The following TDRD9 variants were observed in gnomAD, a reference collection of about 807,000 sequenced individuals.
TDRD9 encodes the protein ATP-dependent RNA helicase TDRD9.
A neutral mutation model predicts 172.6 loss-of-function variants in TDRD9; 124 were observed. The observed-to-expected ratio is 0.72, with a 90% confidence interval of 0.62 to 0.83. The LOEUF is 0.83. TDRD9 is among the 40% of genes least tolerant of loss of function. TDRD9 has a pLI of 0.00. For synonymous variants in TDRD9, 619 were observed against 617.1 expected, an observed-to-expected ratio of 1.00 and a Z score of -0.05; for missense variants, 1,479 against 1,714.1, an observed-to-expected ratio of 0.86 and a Z score of 2.42.
rs140668281 is a variant in TDRD9 at position 104,032,590 on chromosome 14, A to T, written c.3509+503A>T. Among the ~76,000 whole-genome samples, 23 of 152,350 alleles carry T rather than the reference A, an allele frequency of 1.5e-4. No individual in the cohort carries two copies. In the East Asian group the frequency reaches 3.7e-3, roughly 24 times the overall value. On this transcript the variant is annotated intron_variant, in intron 30 of 35. Coordinates refer to ENST00000409874, the MANE Select transcript of TDRD9 (RefSeq NM_153046.3). ...CTCTCACACACGTGAAAGCCATTCT[A>T]TGTAAGACATTTTTGAGTATCTTTT...
In TDRD9 at chr14:103,965,416, T is replaced by C. The variant is rs1225097362; in HGVS notation, c.504T>C (p.Tyr168=). 1 of 1,551,680 alleles carries C rather than the reference T, an allele frequency of 6.4e-7. No individual in the cohort carries two copies. The highest frequency in any genetic ancestry group is 2.0e-5 in the Admixed American group (1 of 50,974). The change falls in exon 4 of 36, where the codon TAT becomes TAC. Residue 168 remains tyrosine (Y), a synonymous_variant. Transcript: ENST00000409874. ...GSGKSTQLPQ[Y]ILDHYVQRSA... ...GTAAAAGCACTCAGCTCCCGCAGTA[T>C]ATCTTGGACCACTACGTTCAGCGCT... is the stretch of plus-strand genomic sequence containing the variant.
chr14:103,940,645 TG>T, intron 1 of TDRD9: 1 of 553,092 alleles, frequency 1.8e-6, no homozygotes, highest in Non-Finnish European at 3.2e-6. Flanking sequence ...AAACATAGCA[TG>T]TTTAGAGTGG....
intron 6 of TDRD9, 29 bp from the exon 7 acceptor site, chr14:103,975,360 T>C (rs1566752437): frequency 6.3e-7 from 1 of 1,591,308 alleles, no homozygotes; most frequent in Non-Finnish European, 8.6e-7. Context: ...TCTCATTGTT[T>C]TATTTGAATG....
At chr14:104,023,009 G>A (rs1485210555) in intron 24 of TDRD9, among the ~76,000 whole-genome samples, 3 of 151,232 alleles carry the variant, frequency 2.0e-5, no homozygotes, top group African/African-American at 4.9e-5. Context: ...GTGAAACCCC[G>A]TCTCTACCAA....
chr14:104,003,858 G>A (rs1047374359), intron 13 of TDRD9, among the ~76,000 whole-genome samples: 2 of 152,104 alleles, frequency 1.3e-5, no homozygotes, highest in Admixed American at 6.5e-5. Context: ...AGGGCCTGTC[G>A]CCAACCTCGT....
intron 2 of TDRD9, among the ~76,000 whole-genome samples, chr14:103,962,532 A>G (rs2032556125): frequency 6.6e-6 from 1 of 152,150 alleles, no homozygotes; most frequent in Non-Finnish European, 1.5e-5. Flanking sequence ...CAGGTTTGTT[A>G]CAAGAGTATA....
intron 35 of TDRD9, 76 bp from the exon 36 acceptor site, chr14:104,051,905 T>C: frequency 1.2e-6 from 1 of 846,362 alleles, no homozygotes; most frequent in Non-Finnish European, 1.9e-6. Flanking sequence ...GCATCCTGGA[T>C]GTTAATGCAT....
Position 104,034,064 on chromosome 14 carries a change from C to G in TDRD9, c.3614C>G (p.Ala1205Gly), listed in dbSNP as rs755453608. Reference protein sequence around the residue: ...MLVAASLSINATGSTMLLRET... With the variant: ...MLVAASLSINGTGSTMLLRET... ...GTTGCAGCTTCCCTTTCCATCAATGCGACTGGTAATTTAAAGATCCTGTTT... is the reference window on the plus strand; with the variant it reads ...GTTGCAGCTTCCCTTTCCATCAATGGGACTGGTAATTTAAAGATCCTGTTT... Residue 1205 changes from alanine to glycine, a missense_variant, in exon 31 of 36, where the codon GCG (alanine) becomes GGG (glycine). This residue lies in a region of TDRD9 where 1,413 missense variants were observed against 1,649.1 expected (regional missense o/e 0.86). Transcript: ENST00000409874. 6.5e-7 allele frequency: 1 copy of G among 1,543,978 alleles called. No individual in the cohort carries two copies. Among genetic ancestry groups the G allele is most frequent in the Non-Finnish European group, 8.8e-7 (1 of 1,140,110 alleles).
chr14:103,998,647 A>G lies in TDRD9; in HGVS notation c.1402A>G (p.Thr468Ala). The change falls in exon 13 of 36, where the codon ACT becomes GCT. Residue 468 changes from threonine to alanine, a missense_variant. This residue lies in a region of TDRD9 where 1,413 missense variants were observed against 1,649.1 expected (regional missense o/e 0.86). Transcript: ENST00000409874. ...AGTTATAGATTTTTGTTTGACTAGA[A>G]CTTTGGTCTGTGATGAAGATACAAA... ...KYVIDFCLTR[T>A]LVCDEDTNYQ... 1 of 1,609,556 alleles carries G rather than the reference A, an allele frequency of 6.2e-7. No homozygotes were observed. Among genetic ancestry groups the G allele is most frequent in the Non-Finnish European group, 8.5e-7 (1 of 1,176,030 alleles).
chr14:104,045,838 G>A (rs1232607303), intron 34 of TDRD9, among the ~76,000 whole-genome samples: 2 of 152,232 alleles, frequency 1.3e-5, no homozygotes, highest in African/African-American at 4.8e-5. Context: ...CCCTGGCCAG[G>A]TGCTAGAGCC....
At chr14:103,956,151 A>AG (rs2032230272) in intron 2 of TDRD9, among the ~76,000 whole-genome samples, 4 of 81,124 alleles carry the variant, frequency 4.9e-5, no homozygotes, top group African/African-American at 2.0e-4. Flanking sequence ...TATATATATA[A>AG]TTATTAGGCC....
intron 22 of TDRD9, among the ~76,000 whole-genome samples, chr14:104,016,995 C>T (rs1221063556): frequency 2.0e-5 from 3 of 152,150 alleles, no homozygotes; most frequent in African/African-American, 4.8e-5. Context: ...AGCTGAGATA[C>T]ACTTGATACC....
In TDRD9 at chr14:104,041,108, C is replaced by T. The variant is rs56687774; in HGVS notation, c.3855+774C>T. On this transcript the variant is annotated intron_variant, in intron 33 of 35. Coordinates refer to ENST00000409874, the MANE Select transcript of TDRD9 (RefSeq NM_153046.3). ...GGTTAACATAACCACACTGAAGGGC[C>T]GGGGGAAAGGAGGAGCTGCAGAGAC... Among the ~76,000 whole-genome samples the T allele has an allele frequency of 7.2e-3, 1,091 of 152,002 alleles. 13 individuals carry two copies. Among genetic ancestry groups the T allele is most frequent in the African/African-American group, 0.025 (1,036 of 41,460 alleles).
intron 5 of TDRD9, among the ~76,000 whole-genome samples, chr14:103,968,927 C>G (rs1381687891): frequency 1.3e-5 from 2 of 148,652 alleles, no homozygotes; most frequent in Middle Eastern, 3.5e-3. Flanking sequence ...GATGAAACCC[C>G]GTCTCTACTA....
chr14:104,026,929 A>C lies in TDRD9; in HGVS notation c.3272A>C (p.Tyr1091Ser). Residue 1091 changes from tyrosine (Y) to serine (S), a missense_variant, in exon 28 of 36, where the codon TAC becomes TCC. By Grantham distance (144) the Tyr-to-Ser change is moderately radical. Around this residue, in one of 3 missense-constraint regions of TDRD9, gnomAD observed 1,413 missense variants for 1,649.1 expected, o/e 0.86. Coordinates refer to ENST00000409874, the MANE Select transcript of TDRD9 (RefSeq NM_153046.3). Reference sequence around the variant, plus strand: ...TATGCCGAGCTCACGGAGGAGTCCTACGAGTCCAAGGTGTGTGCTTTCGCC... The same window carrying C: ...TATGCCGAGCTCACGGAGGAGTCCTCCGAGTCCAAGGTGTGTGCTTTCGCC... ...QGYAELTEES[Y>S]ESKQSHEVLK... 1 of 1,613,798 alleles carries C rather than the reference A, an allele frequency of 6.2e-7. No homozygotes were observed. Among genetic ancestry groups the C allele is most frequent in the East Asian group, 2.2e-5 (1 of 44,858 alleles).
At chr14:103,979,378 A>G (rs944564563) in intron 7 of TDRD9, among the ~76,000 whole-genome samples, 2 of 152,256 alleles carry the variant, frequency 1.3e-5, no homozygotes, top group African/African-American at 4.8e-5. Flanking sequence ...TTTATAAAAG[A>G]AAGAGGTTTA....
intron 16 of TDRD9, 36 bp from the exon 17 acceptor site, chr14:104,006,610 A>G (rs1223743082): frequency 2.4e-5 from 38 of 1,612,902 alleles, no homozygotes; most frequent in Non-Finnish European, 3.1e-5. Context: ...CCACTCTCAC[A>G]ATCTTACATT....
At chr14:104,033,656 C>G (rs2035353768) in intron 30 of TDRD9, among the ~76,000 whole-genome samples, 1 of 152,034 alleles carries the variant, frequency 6.6e-6, no homozygotes, top group Non-Finnish European at 1.5e-5. Context: ...GACAGAGGGT[C>G]TCGAGTGGAG....
At chr14:104,037,184 A>G (rs537427760) in intron 32 of TDRD9, among the ~76,000 whole-genome samples, 172 of 152,254 alleles carry the variant, frequency 1.1e-3, no homozygotes, top group South Asian at 2.3e-3. Context: ...TCAGTACAGA[A>G]CTGGCCCAGG....
Sources: gnomAD v4.1 joint callset for allele counts (sites outside exome capture counted in the v4.1 genomes callset) on GRCh38, gnomAD v4.1.1 for gene constraint, gnomAD v4.1.1 regional missense constraint, MANE v1.5 for transcripts, NCBI Gene and HGNC (gene_info 2026-07-23, HGNC 2026-07-21) for gene names.